TOP1MT: variants seen among roughly 807,000 people sequenced by gnomAD.
TOP1MT encodes the protein DNA topoisomerase I mitochondrial.
A neutral mutation model predicts 73.9 loss-of-function variants in TOP1MT; 80 were observed. The ratio of observed to expected loss-of-function variants is 1.08; its 90% CI spans 0.90 to 1.30. The LOEUF (loss-of-function observed/expected upper bound fraction) is 1.30, where lower values mean the gene tolerates loss of function less well. Ranked by LOEUF, TOP1MT falls within the 50% of genes most tolerant of loss-of-function variation. The pLI is 0.00. For missense variants in TOP1MT, 815 were observed against 808.0 expected (o/e 1.01, Z -0.10); for synonymous variants, 338 against 326.4 (o/e 1.04, Z -0.38).
chr8:143,340,862 A>G (rs1817066506), intron 2 of TOP1MT, among the ~76,000 whole-genome samples: 1 of 151,460 alleles, frequency 6.6e-6, no homozygotes. Flanking sequence ...TCCCACCCAC[A>G]CTTCTTTTAC....
upstream of TOP1MT, among the ~76,000 whole-genome samples, chr8:143,335,115 G>C (rs1276130167): frequency 2.0e-5 from 3 of 152,242 alleles, 1 homozygote; most frequent in African/African-American, 7.2e-5. Flanking sequence ...TCCAAACCCA[G>C]TCCCACTGAC....
Position 143,318,013 on chromosome 8 carries a change from C to G in TOP1MT, c.1215+5G>C. On this transcript the variant is annotated splice_donor_5th_base_variant and intron_variant, in intron 9 of 13. Transcript: ENST00000329245. ...CCACTGCTGAGGAAACACGAGCCGG[C>G]TTACGGTCAGCCTGTCGAAGAGGTC... is the stretch of plus-strand genomic sequence containing the variant. The G allele has an allele frequency of 3.7e-6, 6 of 1,614,202 alleles. No homozygotes were observed. The highest frequency in any genetic ancestry group is 5.1e-6 in the Non-Finnish European group (6 of 1,180,022).
intron 8 of TOP1MT, among the ~76,000 whole-genome samples, chr8:143,320,220 C>T (rs1424450826): frequency 1.3e-5 from 2 of 151,334 alleles, no homozygotes; most frequent in Non-Finnish European, 2.9e-5. Flanking sequence ...GCTCCGCCTC[C>T]TGGGTTCACG....
At chr8:143,320,263 G>A (rs995167406) in intron 8 of TOP1MT, among the ~76,000 whole-genome samples, 2 of 151,984 alleles carry the variant, frequency 1.3e-5, no homozygotes, top group African/African-American at 2.4e-5. Flanking sequence ...CAAGTAGCTG[G>A]GACTATAGGC....
At chr8:143,346,977 A>ATTTATTTG (rs1259202259), upstream of TOP1MT, among the ~76,000 whole-genome samples, 8 of 150,580 alleles carry the variant, frequency 5.3e-5, no homozygotes, top group East Asian at 9.7e-4. Context: ...TTATTTATTT[A>ATTTATTTG]TTTATTTATT....
chr8:143,354,439 G>A (rs568332566), intron 1 of TOP1MT, among the ~76,000 whole-genome samples: 8 of 152,076 alleles, frequency 5.3e-5, no homozygotes, highest in African/African-American at 1.2e-4. Flanking sequence ...TTAGCCGGGC[G>A]TGGTGGCTCA....
Position 143,324,516 on chromosome 8 carries a change from T to C in TOP1MT, c.785A>G (p.Tyr262Cys), listed in dbSNP as rs779149451. The C allele has an allele frequency of 6.2e-7, 1 of 1,613,974 alleles. No individual in the cohort carries two copies. Among genetic ancestry groups the C allele is most frequent in the South Asian group, 1.1e-5 (1 of 91,086 alleles). The change falls in exon 6 of 14, where the codon TAC (tyrosine) becomes TGC (cysteine). Residue 262 changes from tyrosine (Y) to cysteine (C), a missense_variant. By Grantham distance (194) the Tyr-to-Cys change is radical. Transcript: ENST00000329245. ...WTESVQNSIKYIMLNPCSKLK... is the reference protein window; with the variant it reads ...WTESVQNSIKCIMLNPCSKLK... Reference sequence around the variant, plus strand: ...CTTCGAGCAAGGGTTCAGCATGATGTACTTGATGGAGTTCTGAACGCTCTC... The same window carrying C: ...CTTCGAGCAAGGGTTCAGCATGATGCACTTGATGGAGTTCTGAACGCTCTC...
intron 7 of TOP1MT, among the ~76,000 whole-genome samples, chr8:143,321,830 ACACACACGCCACACGCACGC>A (rs1816404016): frequency 1.8e-5 from 2 of 110,604 alleles, no homozygotes; most frequent in Non-Finnish European, 3.5e-5. Flanking sequence ...CGCACGCTAC[ACACACACGCCACACGCACGC>A]CACACACGCA....
At position 143,310,163 on chromosome 8, in the gene TOP1MT, C is replaced by T; in HGVS notation, c.1608G>A (p.Gln536=). The change falls in exon 13 of 14, where the codon CAG becomes CAA. Residue 536 remains glutamine, a synonymous_variant. Transcript: ENST00000329245. ...CCTTGTCCGTGGCCTGCACACTCAG[C>T]TGCGCCAGCTGCTCCTGCAGCTTCT... is the stretch of plus-strand genomic sequence containing the variant. The part of the protein sequence containing the change: ...LLEKLQEQLA[Q]LSVQATDKEE... 6.2e-7 allele frequency: 1 copy of T among 1,607,360 alleles called. No homozygotes were observed. Among genetic ancestry groups the T allele is most frequent in the Non-Finnish European group, 8.5e-7 (1 of 1,177,060 alleles).
intron 1 of TOP1MT, among the ~76,000 whole-genome samples, chr8:143,350,703 T>C (rs1817306355): frequency 6.6e-6 from 1 of 152,236 alleles, no homozygotes; most frequent in Admixed American, 6.5e-5. Flanking sequence ...CCTAATTGTC[T>C]CATCATTTAA....
chr8:143,323,066 ACCACACACGCACG>A (rs1816559395), intron 7 of TOP1MT, among the ~76,000 whole-genome samples: 1 of 53,338 alleles, frequency 1.9e-5, no homozygotes, highest in Non-Finnish European at 3.9e-5. Context: ...ACACAGGCAC[ACCACACACGCACG>A]CCACACACAG....
chr8:143,328,387 T>C (rs574281108), intron 3 of TOP1MT: 10 of 415,032 alleles, frequency 2.4e-5, no homozygotes, highest in Admixed American at 6.1e-5. Context: ...GTTTTTTAAA[T>C]AGACAAAAGT....
rs148805123 is a variant in TOP1MT at position 143,322,643 on chromosome 8, C to CCACACACGCACACCA, written c.961-1258_961-1257insTGGTGTGCGTGTGTG. 1.3e-4 allele frequency among the ~76,000 whole-genome samples: 7 copies of CCACACACGCACACCA among 55,008 alleles called. 1 individual carries two copies. In the South Asian group the frequency reaches 5.1e-3, roughly 40 times the overall value. The allele number at this position is 55,008 out of a possible 152,430, so 36.1% of individuals were successfully genotyped here. A position where few individuals can be genotyped will look rare whatever the true frequency, so the allele number is the denominator to read the frequency against. On this transcript the variant is annotated intron_variant, in intron 7 of 13. Coordinates refer to ENST00000329245, the MANE Select transcript of TOP1MT (RefSeq NM_052963.3). ...CACACAGGCACGTCACACACACACG[C>CCACACACGCACACCA]CACACGCACACCACACACGCACGCC... is the stretch of plus-strand genomic sequence containing the variant.
At chr8:143,334,905 G>A (rs1816955231), upstream of TOP1MT, 2 of 1,381,734 alleles carry the variant, frequency 1.4e-6, no homozygotes, top group East Asian at 3.2e-5. Flanking sequence ...CCCCGCCCCA[G>A]CGGCCAGCCC....
upstream of TOP1MT, among the ~76,000 whole-genome samples, chr8:143,336,232 G>A (rs1046197604): frequency 2.0e-5 from 3 of 152,046 alleles, no homozygotes; most frequent in African/African-American, 7.3e-5. Flanking sequence ...GAACTCCTGG[G>A]CTCAAGTACC....
At chr8:143,311,998 C>A (rs1171101612) in intron 12 of TOP1MT, among the ~76,000 whole-genome samples, 1 of 152,034 alleles carries the variant, frequency 6.6e-6, no homozygotes, top group Non-Finnish European at 1.5e-5. Flanking sequence ...CAAAGAAAAG[C>A]CCAGGCCTAG....
At chr8:143,339,646 A>G (rs1817040015), upstream of TOP1MT, among the ~76,000 whole-genome samples, 1 of 152,126 alleles carries the variant, frequency 6.6e-6, no homozygotes, top group Non-Finnish European at 1.5e-5. Context: ...CTGGCAACCT[A>G]CAGTGGGCAG....
chr8:143,315,998 C>T lies in TOP1MT; in HGVS notation c.1458+1G>A. The stretch of plus-strand genomic sequence containing the variant: ...CTGGGGGCTCTCCTGGGAGCTGCTA[C>T]CTTCGTCTGGAGATTCTGCATCGAC... On this transcript the variant is annotated splice_donor_variant, in intron 11 of 13. Transcript: ENST00000329245. LOFTEE classifies it high-confidence loss of function. 6.2e-7 allele frequency: 1 copy of T among 1,614,178 alleles called. No homozygotes were observed. Among genetic ancestry groups the T allele is most frequent in the East Asian group, 2.2e-5 (1 of 44,878 alleles).
At chr8:143,329,327 T>G in intron 3 of TOP1MT, 23 bp downstream of exon 3, 1 of 1,585,968 alleles carries the variant, frequency 6.3e-7, no homozygotes, top group Non-Finnish European at 8.5e-7. Context: ...AGGACAGCTG[T>G]GGCGGCCGCC....
Sources: allele counts gnomAD v4.1 joint callset (sites outside exome capture counted in the v4.1 genomes callset), GRCh38; gene constraint gnomAD v4.1.1; transcripts MANE v1.5; gene names NCBI Gene and HGNC (gene_info 2026-07-23, HGNC 2026-07-21).